The following BOC variants were observed in gnomAD, a reference collection of about 807,000 sequenced individuals.
The protein encoded by BOC is brother of CDO.
In BOC, 76 loss-of-function variants were observed where a neutral mutation model predicts 112.0. That is an observed-to-expected ratio of 0.68 (90% CI 0.56 to 0.82). BOC has a LOEUF of 0.82. Among genes scored for constraint, BOC ranks in the 40% least tolerant of loss-of-function variants. BOC has a pLI of 0.00. For synonymous variants in BOC, 580 were observed against 599.8 expected (o/e 0.97, Z 0.48); for missense variants, 1,309 against 1,511.7 (o/e 0.87, Z 2.22).
chr3:113,277,711 A>C (rs1559879482), intron 9 of BOC, among the ~76,000 whole-genome samples: 4 of 152,246 alleles, frequency 2.6e-5, no homozygotes, highest in South Asian at 4.1e-4. Flanking sequence ...GTCTCATTAG[A>C]ATATAAGCAG....
chr3:113,272,410 G>C lies in BOC; in HGVS notation c.668G>C (p.Arg223Pro). ...SGSSDRLRVR[R>P]STAEAARIIY... ...GTCCTTGCCCTCCTTGCCCCTCCAG[G>C]CTCCACCGCTGAGGCTGCCCGCATC... Residue 223 changes from arginine to proline, a missense_variant and splice_region_variant, in exon 7 of 20, where the codon CGC (arginine) becomes CCC (proline). Transcript: ENST00000682979. 1 of 1,612,414 alleles carries C rather than the reference G, an allele frequency of 6.2e-7. No homozygotes were observed. The highest frequency in any genetic ancestry group is 8.5e-7 in the Non-Finnish European group (1 of 1,178,728).
At chr3:113,236,302 A>G (rs1488746691) in intron 2 of BOC, among the ~76,000 whole-genome samples, 3 of 118,904 alleles carry the variant, frequency 2.5e-5, no homozygotes, top group East Asian at 2.2e-4. Context: ...ATATATATAT[A>G]TATATATATA....
chr3:113,254,181 A>G (rs1945963523), intron 4 of BOC, among the ~76,000 whole-genome samples: 1 of 152,240 alleles, frequency 6.6e-6, no homozygotes, highest in African/African-American at 2.4e-5. Flanking sequence ...AGGCACAGTA[A>G]GAGAAGAAGG....
chr3:113,237,781 G>C (rs1943761145), intron 2 of BOC, among the ~76,000 whole-genome samples: 1 of 152,156 alleles, frequency 6.6e-6, no homozygotes, highest in Non-Finnish European at 1.5e-5. Flanking sequence ...ATTAATAACA[G>C]TGTGTCTCTC....
chr3:113,245,741 C>T (rs1944842708), intron 2 of BOC, among the ~76,000 whole-genome samples: 1 of 152,212 alleles, frequency 6.6e-6, no homozygotes. Context: ...ATTCTTGCCA[C>T]TTGAAGAATG....
intron 2 of BOC, 120 bp from the exon 3 acceptor site, chr3:113,249,602 G>A (rs1442330524): frequency 5.9e-6 from 3 of 505,232 alleles, no homozygotes; most frequent in African/African-American, 2.0e-5. Context: ...GCATGACCGG[G>A]TCTCTAGTTT....
intron 2 of BOC, among the ~76,000 whole-genome samples, chr3:113,236,201 G>GAT (rs1943413899): frequency 9.2e-6 from 1 of 108,674 alleles, no homozygotes; most frequent in African/African-American, 3.2e-5. Flanking sequence ...AAGAAAATAT[G>GAT]GTATATATAT....
intron 15 of BOC, 40 bp from the exon 16 acceptor site, chr3:113,283,371 A>G (rs768339063): frequency 1.3e-6 from 2 of 1,533,674 alleles, no homozygotes; most frequent in African/African-American, 2.8e-5. Context: ...GGAAATATCA[A>G]AGAAACATAT....
intron 12 of BOC, 174 bp from the exon 13 acceptor site, chr3:113,279,650 A>G (rs1949002598): frequency 4.8e-6 from 4 of 833,454 alleles, no homozygotes; most frequent in Non-Finnish European, 7.4e-6. Context: ...ATCCAGAGCC[A>G]TCTCCCCTGC....
At chr3:113,263,323 G>T (rs1947098558) in intron 4 of BOC, among the ~76,000 whole-genome samples, 1 of 152,218 alleles carries the variant, frequency 6.6e-6, no homozygotes, top group Non-Finnish European at 1.5e-5. Flanking sequence ...CCAGGAACAG[G>T]CAGGAGGGTA....
intron 18 of BOC, 55 bp downstream of exon 18, chr3:113,284,913 A>C: frequency 6.6e-7 from 1 of 1,523,894 alleles, no homozygotes; most frequent in South Asian, 1.1e-5. Context: ...CTTTCCCTTT[A>C]GCTCCTCAAA....
In BOC at chr3:113,284,669, T is replaced by G. The variant is rs566508565; in HGVS notation, c.2889+102T>G. 3.2e-5 allele frequency: 49 copies of G among 1,524,258 alleles called. No homozygotes were observed. The African/African-American group carries it at 4.0e-4, about 12-fold the overall frequency. The allele number at this position is 1,524,258 out of a possible 1,614,324, so 94.4% of individuals were successfully genotyped here. A position where few individuals can be genotyped will look rare whatever the true frequency, so the allele number is the denominator to read the frequency against. On this transcript the variant is annotated intron_variant, in intron 17 of 19. Transcript: ENST00000682979. ...TCCCTCCTAGGGTCTCAGGCTGGGC[T>G]GCTGGGCCAGGCTTTCTTTAGTCAG...
At chr3:113,224,099 T>C (rs1248647367) in intron 2 of BOC, among the ~76,000 whole-genome samples, 1 of 152,210 alleles carries the variant, frequency 6.6e-6, no homozygotes, top group Non-Finnish European at 1.5e-5. Context: ...GCTTTGGAGC[T>C]GCGGATAGCG....
intron 4 of BOC, among the ~76,000 whole-genome samples, chr3:113,266,013 G>A (rs1947441600): frequency 6.6e-6 from 1 of 152,256 alleles, no homozygotes; most frequent in African/African-American, 2.4e-5. Context: ...TTATCGTTTA[G>A]TTAGGCTCAG....
intron 1 of BOC, among the ~76,000 whole-genome samples, chr3:113,213,345 G>C (rs1297338061): frequency 2.6e-5 from 4 of 152,318 alleles, no homozygotes; most frequent in African/African-American, 7.2e-5. Context: ...TTGTTGTCCA[G>C]AACTCGGTAC....
At chr3:113,283,883 T>C (rs1332883927) in intron 16 of BOC, among the ~76,000 whole-genome samples, 1 of 151,886 alleles carries the variant, frequency 6.6e-6, no homozygotes, top group Admixed American at 6.6e-5. Context: ...TGTGCCATCT[T>C]CTGAAGTGTC....
chr3:113,279,442 G>C lies in BOC; in HGVS notation c.2010G>C (p.Thr670=). 1 of 1,613,934 alleles carries C rather than the reference G, an allele frequency of 6.2e-7. No homozygotes were observed. Among genetic ancestry groups the C allele is most frequent in the Non-Finnish European group, 8.5e-7 (1 of 1,179,988 alleles). The change falls in exon 12 of 20, where the codon ACG becomes ACC. Residue 670 remains threonine, a synonymous_variant. Transcript: ENST00000682979. Reference sequence around the variant, plus strand: ...CATCGCGGCTGTCCGTGGAGATCACGGGCCTAGAGAAAGGTAGGGGCCTGG... The same window carrying C: ...CATCGCGGCTGTCCGTGGAGATCACCGGCCTAGAGAAAGGTAGGGGCCTGG... ...IPPSRLSVEI[T]GLEKGTSYKF...
chr3:113,227,058 G>T (rs1393834398), intron 2 of BOC, among the ~76,000 whole-genome samples: 1 of 152,216 alleles, frequency 6.6e-6, no homozygotes, highest in African/African-American at 2.4e-5. Flanking sequence ...AATCTCCTTA[G>T]AAGAGTGCTT....
chr3:113,250,771 A>G lies in BOC; in HGVS notation c.314A>G (p.Gln105Arg). ...AACAACCACACTGTGGGACGGTACCAGTGTGTGGCCCGGATGCCTGCGGGG... is the reference window on the plus strand; with the variant it reads ...AACAACCACACTGTGGGACGGTACCGGTGTGTGGCCCGGATGCCTGCGGGG... ...ALNNHTVGRY[Q>R]CVARMPAGAV... Residue 105 changes from glutamine (Q) to arginine (R), a missense_variant, in exon 4 of 20, where the codon CAG becomes CGG. Transcript: ENST00000682979. The G allele has an allele frequency of 6.2e-7, 1 of 1,614,100 alleles. No homozygotes were observed.
Sources: gnomAD v4.1 joint callset for allele counts (sites outside exome capture counted in the v4.1 genomes callset) on GRCh38, gnomAD v4.1.1 for gene constraint, MANE v1.5 for transcripts, NCBI Gene and HGNC (gene_info 2026-07-23, HGNC 2026-07-21) for gene names.